The following MDGA2 variants were observed in gnomAD, a reference collection of about 807,000 sequenced individuals.
The protein encoded by MDGA2 is MAM domain-containing glycosylphosphatidylinositol anchor protein 2.
In MDGA2, 40 loss-of-function variants were observed where a neutral mutation model predicts 117.8. The observed-to-expected ratio is 0.34, with a 90% CI of 0.26 to 0.44. The LOEUF (loss-of-function observed/expected upper bound fraction) is 0.44, where lower values mean the gene tolerates loss of function less well. MDGA2 is among the 20% of genes least tolerant of loss of function. The pLI is 1.00. For missense variants in MDGA2, 1,123 were observed against 1,250.6 expected (o/e 0.90, Z 1.54); for synonymous variants, 452 against 439.0 (o/e 1.03, Z -0.37).
intron 1 of MDGA2, among the ~76,000 whole-genome samples, chr14:47,453,979 G>A (rs1014310389): frequency 6.6e-6 from 1 of 152,154 alleles, no homozygotes; most frequent in African/African-American, 2.4e-5. Flanking sequence ...CCATGTAGAT[G>A]AACATGTTAA....
rs544127026 is a variant in MDGA2, at chr14:47,674,569, G to C, written c.228C>G (p.Leu76=). 2 of 1,551,532 alleles carry C rather than the reference G, an allele frequency of 1.3e-6. No homozygotes were observed. The highest frequency in any genetic ancestry group is 4.9e-5 in the East Asian group (2 of 40,862). ...VHVKMDLLYG[L]VWLLTVLLEG... Reference sequence around the variant, plus strand: ...CCAGGAGGACTGTCAGCAGCCACACGAGACCGTACAGTAAATCCATCTTCA... The same window carrying C: ...CCAGGAGGACTGTCAGCAGCCACACCAGACCGTACAGTAAATCCATCTTCA... The change falls in exon 1 of 17, where the codon CTC becomes CTG. Residue 76 remains leucine (L), a synonymous_variant. Transcript: ENST00000399232.
intron 3 of MDGA2, among the ~76,000 whole-genome samples, chr14:47,204,189 T>C (rs1338913359): frequency 6.6e-6 from 1 of 152,006 alleles, no homozygotes; most frequent in Non-Finnish European, 1.5e-5. Context: ...ATTACCAATA[T>C]TACCATTCTT....
chr14:46,919,262 G>A lies in MDGA2; in HGVS notation c.2238+750C>T, dbSNP rs79856393. Among the ~76,000 whole-genome samples the A allele has an allele frequency of 1.6e-3, 239 of 152,124 alleles. 2 individuals carry two copies. Among genetic ancestry groups the A allele is most frequent in the African/African-American group, 5.6e-3 (232 of 41,508 alleles). ...TGGAACATGCACTTTGCCAATCTAG[G>A]GATAATACAAGGTTTTGGGAGAGAG... On this transcript the variant is annotated intron_variant, in intron 10 of 16. Transcript: ENST00000399232.
chr14:46,986,162 G>T (rs148140543), intron 8 of MDGA2, among the ~76,000 whole-genome samples: 14 of 152,120 alleles, frequency 9.2e-5, no homozygotes, highest in Non-Finnish European at 1.8e-4. Flanking sequence ...TTTGCTTATA[G>T]TGTTGGCACT....
intron 3 of MDGA2, among the ~76,000 whole-genome samples, chr14:47,148,528 G>A (rs1490374472): frequency 6.6e-6 from 1 of 152,106 alleles, no homozygotes; most frequent in Non-Finnish European, 1.5e-5. Flanking sequence ...TAGTACGTAT[G>A]ACCAGATAAT....
chr14:47,399,755 GT>G (rs5808393), intron 1 of MDGA2, among the ~76,000 whole-genome samples: 1 of 151,754 alleles, frequency 6.6e-6, no homozygotes, highest in Non-Finnish European at 1.5e-5. Context: ...AATCATGTCT[GT>G]TTTTTTGTTA....
intron 1 of MDGA2, among the ~76,000 whole-genome samples, chr14:47,394,958 C>G (rs141903180): frequency 4.6e-5 from 7 of 152,194 alleles, no homozygotes; most frequent in African/African-American, 7.2e-5. Flanking sequence ...TTCAAGACAA[C>G]TTGGTCAACA....
intron 5 of MDGA2, among the ~76,000 whole-genome samples, chr14:47,114,714 C>T (rs1426345147): frequency 1.3e-5 from 2 of 152,008 alleles, no homozygotes; most frequent in South Asian, 4.2e-4. Context: ...AATGGGCTAG[C>T]CATATGCAGA....
At chr14:47,451,933 C>G (rs1200126362) in intron 1 of MDGA2, among the ~76,000 whole-genome samples, 1 of 151,986 alleles carries the variant, frequency 6.6e-6, no homozygotes, top group Non-Finnish European at 1.5e-5. Context: ...ATATCTTGTA[C>G]TGGTTTGAAG....
intron 8 of MDGA2, among the ~76,000 whole-genome samples, chr14:47,008,100 A>G (rs1022143613): frequency 5.3e-5 from 8 of 151,886 alleles, no homozygotes; most frequent in Admixed American, 1.3e-4. Context: ...ATGAGTTTGA[A>G]TATTCCATAA....
chr14:47,188,362 T>A (rs1289652243), intron 3 of MDGA2, among the ~76,000 whole-genome samples: 1 of 152,180 alleles, frequency 6.6e-6, no homozygotes, highest in African/African-American at 2.4e-5. Context: ...GAGAAGGTGG[T>A]TACTATGTTG....
intron 9 of MDGA2, among the ~76,000 whole-genome samples, chr14:46,934,166 CA>C (rs1566533036): frequency 6.6e-6 from 1 of 151,920 alleles, no homozygotes; most frequent in Admixed American, 6.6e-5. Flanking sequence ...TTGGAATCTT[CA>C]AATTATCTAT....
chr14:47,141,393 A>G (rs1297825970), intron 4 of MDGA2, among the ~76,000 whole-genome samples: 1 of 152,192 alleles, frequency 6.6e-6, no homozygotes, highest in Non-Finnish European at 1.5e-5. Context: ...GAATAAACCT[A>G]AGTGTCCATC....
intron 1 of MDGA2, among the ~76,000 whole-genome samples, chr14:47,599,992 G>C (rs1275622860): frequency 6.6e-6 from 1 of 152,058 alleles, no homozygotes; most frequent in Non-Finnish European, 1.5e-5. Flanking sequence ...TTGGTTGTTA[G>C]TTTACACTAT....
At chr14:46,899,797 CCAA>C (rs1313448839) in intron 10 of MDGA2, among the ~76,000 whole-genome samples, 1 of 151,896 alleles carries the variant, frequency 6.6e-6, no homozygotes, top group Non-Finnish European at 1.5e-5. Flanking sequence ...AATAAAGAAC[CCAA>C]CAGATAGGCT....
chr14:47,603,635 G>A (rs1023813724), intron 1 of MDGA2, among the ~76,000 whole-genome samples: 2 of 151,642 alleles, frequency 1.3e-5, no homozygotes, highest in Admixed American at 6.6e-5. Context: ...CTCTCTCTCT[G>A]TTTCTCTTGT....
At chr14:47,013,249 A>G (rs1182170193) in intron 8 of MDGA2, among the ~76,000 whole-genome samples, 2 of 152,148 alleles carry the variant, frequency 1.3e-5, no homozygotes, top group Non-Finnish European at 2.9e-5. Context: ...AGTTTGTAAT[A>G]TTGTAAATCT....
intron 10 of MDGA2, among the ~76,000 whole-genome samples, chr14:46,892,520 T>C (rs2131073): frequency 0.38 from 57,850 of 151,648 alleles, 12,000 homozygotes; most frequent in African/African-American, 0.54. Flanking sequence ...TACATCAAAC[T>C]AAAAAGCTTC....
chr14:47,087,048 C>G (rs1890927279), intron 6 of MDGA2, among the ~76,000 whole-genome samples: 1 of 152,064 alleles, frequency 6.6e-6, no homozygotes. Flanking sequence ...CATTTATTTT[C>G]CTGGTTTAAT....
Sources: allele counts gnomAD v4.1 joint callset (sites outside exome capture counted in the v4.1 genomes callset), GRCh38; gene constraint gnomAD v4.1.1; transcripts MANE v1.5; gene names NCBI Gene and HGNC (gene_info 2026-07-23, HGNC 2026-07-21).